CTNND2: variants seen among roughly 807,000 people sequenced by gnomAD.
CTNND2 encodes the protein catenin delta 2.
In CTNND2, 22 loss-of-function variants were observed where a neutral mutation model predicts 144.4. The observed-to-expected ratio is 0.15, with a 90% CI of 0.11 to 0.22. The LOEUF (loss-of-function observed/expected upper bound fraction) is 0.22. Ranked by LOEUF, CTNND2 falls within the 10% of genes least tolerant of loss-of-function variation. The pLI, the probability that CTNND2 is intolerant of heterozygous loss-of-function variation, is 1.00. For missense variants in CTNND2, 1,353 were observed against 1,618.8 expected, an observed-to-expected ratio of 0.84 and a Z score of 2.82; for synonymous variants, 751 against 695.6, an observed-to-expected ratio of 1.08 and a Z score of -1.25.
At chr5:11,147,287 A>G (rs998105810) in intron 12 of CTNND2, among the ~76,000 whole-genome samples, 3 of 152,296 alleles carry the variant, frequency 2.0e-5, no homozygotes. Flanking sequence ...GGCCATAGAG[A>G]AGGCCGAATA....
At chr5:11,216,634 C>G (rs1259372171) in intron 10 of CTNND2, among the ~76,000 whole-genome samples, 1 of 152,184 alleles carries the variant, frequency 6.6e-6, no homozygotes, top group African/African-American at 2.4e-5. Flanking sequence ...GCATTCTGAG[C>G]CCCAGAGCTA....
At position 11,703,732 on chromosome 5, in the gene CTNND2, G is replaced by T. The variant is rs181087577; in HGVS notation, c.174+28404C>A. On this transcript the variant is annotated intron_variant, in intron 2 of 21. Coordinates refer to ENST00000304623, the MANE Select transcript of CTNND2 (RefSeq NM_001332.4). ...GACTTTCAGTCTTTTGGGTCTCATA[G>T]AATGGATTTTTAAAAAGGGTGAATT... 1.6e-4 allele frequency among the ~76,000 whole-genome samples: 25 copies of T among 152,276 alleles called. 1 individual carries two copies. The highest frequency in any genetic ancestry group is 4.6e-4 in the African/African-American group (19 of 41,556).
intron 9 of CTNND2, among the ~76,000 whole-genome samples, chr5:11,237,221 G>A (rs1437124017): frequency 6.6e-6 from 1 of 151,950 alleles, no homozygotes; most frequent in African/African-American, 2.4e-5. Context: ...CAGTTTCACT[G>A]TGTTAGCCAG....
At chr5:11,326,285 G>A (rs1218303673) in intron 9 of CTNND2, among the ~76,000 whole-genome samples, 1 of 152,148 alleles carries the variant, frequency 6.6e-6, no homozygotes, top group Non-Finnish European at 1.5e-5. Flanking sequence ...TCTATCTTTG[G>A]TTTTTATAGA....
chr5:11,422,346 ATTC>A (rs1762439067), intron 3 of CTNND2, among the ~76,000 whole-genome samples: 1 of 152,236 alleles, frequency 6.6e-6, no homozygotes, highest in South Asian at 2.1e-4. Context: ...AACTGCCACC[ATTC>A]TTGCCATAGT....
At chr5:11,618,139 T>A (rs1780666674) in intron 2 of CTNND2, among the ~76,000 whole-genome samples, 1 of 152,128 alleles carries the variant, frequency 6.6e-6, no homozygotes, top group Admixed American at 6.6e-5. Context: ...ACTTGTGTCA[T>A]GATGTCCATT....
At chr5:11,544,110 T>C (rs951762774) in intron 3 of CTNND2, among the ~76,000 whole-genome samples, 3 of 152,160 alleles carry the variant, frequency 2.0e-5, no homozygotes, top group Admixed American at 6.5e-5. Context: ...TGTAATATAC[T>C]TAAAAATTTA....
At chr5:11,856,541 A>C (rs925931068) in intron 1 of CTNND2, among the ~76,000 whole-genome samples, 2 of 152,208 alleles carry the variant, frequency 1.3e-5, no homozygotes, top group Non-Finnish European at 2.9e-5. Flanking sequence ...AGAAAAGGTA[A>C]CTGTCCAGAA....
intron 1 of CTNND2, 140 bp from the exon 2 acceptor site, chr5:11,732,412 C>T (rs575020001): frequency 1.0e-4 from 73 of 706,714 alleles, no homozygotes; most frequent in Non-Finnish European, 1.4e-4. Flanking sequence ...AATTATAGAA[C>T]GGGAGTAATA....
At chr5:11,621,149 T>C (rs1191945340) in intron 2 of CTNND2, among the ~76,000 whole-genome samples, 1 of 152,198 alleles carries the variant, frequency 6.6e-6, no homozygotes, top group Non-Finnish European at 1.5e-5. Flanking sequence ...TATTCAAACA[T>C]ATAAAACCAA....
At chr5:11,258,480 C>G (rs1744512091) in intron 9 of CTNND2, among the ~76,000 whole-genome samples, 1 of 152,234 alleles carries the variant, frequency 6.6e-6, no homozygotes, top group Non-Finnish European at 1.5e-5. Context: ...ACAGAAACAC[C>G]TTACAAAAGC....
chr5:11,691,068 C>T (rs1784886245), intron 2 of CTNND2, among the ~76,000 whole-genome samples: 1 of 151,990 alleles, frequency 6.6e-6, no homozygotes, highest in South Asian at 2.1e-4. Context: ...GTGAATAATG[C>T]AAATATCTTA....
intron 2 of CTNND2, among the ~76,000 whole-genome samples, chr5:11,635,266 G>GTTATC (rs1392092600): frequency 6.6e-6 from 1 of 152,088 alleles, no homozygotes; most frequent in African/African-American, 2.4e-5. Flanking sequence ...GTGGTTAAAT[G>GTTATC]TTATCTTTAG....
At chr5:11,086,033 A>T (rs1750103047) in intron 15 of CTNND2, among the ~76,000 whole-genome samples, 1 of 152,060 alleles carries the variant, frequency 6.6e-6, no homozygotes, top group African/African-American at 2.4e-5. Flanking sequence ...CCAGTGTGGC[A>T]AGGGGTAGCT....
chr5:11,772,003 A>G (rs946720760), intron 1 of CTNND2, among the ~76,000 whole-genome samples: 18 of 152,160 alleles, frequency 1.2e-4, no homozygotes, highest in African/African-American at 4.1e-4. Context: ...CAGTTACTTC[A>G]TTGTTTTATG....
intron 3 of CTNND2, among the ~76,000 whole-genome samples, chr5:11,526,705 C>A (rs528960928): frequency 9.9e-5 from 15 of 152,084 alleles, no homozygotes; most frequent in Non-Finnish European, 1.8e-4. Context: ...AACTAGGGTG[C>A]AAAATTAAAA....
At chr5:11,150,010 A>C (rs1333723255) in intron 12 of CTNND2, among the ~76,000 whole-genome samples, 1 of 152,212 alleles carries the variant, frequency 6.6e-6, no homozygotes, top group Non-Finnish European at 1.5e-5. Context: ...CTGTTTCCAG[A>C]ATAAGCAATT....
At chr5:11,769,686 G>T (rs957497353) in intron 1 of CTNND2, among the ~76,000 whole-genome samples, 1 of 152,106 alleles carries the variant, frequency 6.6e-6, no homozygotes, top group African/African-American at 2.4e-5. Context: ...TAAGTGGACA[G>T]TACATATATG....
intron 3 of CTNND2, among the ~76,000 whole-genome samples, chr5:11,523,852 A>G (rs1446682898): frequency 6.6e-6 from 1 of 152,082 alleles, no homozygotes; most frequent in Non-Finnish European, 1.5e-5. Flanking sequence ...CAATGAGCCC[A>G]TGTTGCTGTG....
Sources: gnomAD v4.1 joint callset for allele counts (sites outside exome capture counted in the v4.1 genomes callset) on GRCh38, gnomAD v4.1.1 for gene constraint, MANE v1.5 for transcripts, NCBI Gene and HGNC (gene_info 2026-07-23, HGNC 2026-07-21) for gene names.